LAMA5: variants seen among roughly 807,000 people sequenced by gnomAD.
LAMA5 encodes the protein laminin subunit alpha 5, also known as laminin subunit alpha-5.
A neutral mutation model predicts 433.4 loss-of-function variants in LAMA5; 260 were observed. That is an observed-to-expected ratio of 0.60 (90% CI 0.54 to 0.66). LAMA5 has a LOEUF of 0.66. Ranked by LOEUF, LAMA5 falls within the 30% of genes least tolerant of loss-of-function variation. The pLI, the probability that LAMA5 is intolerant of heterozygous loss-of-function variation, is 0.00. For synonymous variants in LAMA5, 2,620 were observed against 2,226.6 expected (o/e 1.18, Z -4.97); for missense variants, 5,378 against 5,258.5 (o/e 1.02, Z -0.70).
In LAMA5 at chr20:62,346,204, C is replaced by T. The variant is rs1240568062; in HGVS notation, c.1294G>A (p.Glu432Lys). The T allele has an allele frequency of 1.1e-5, 18 of 1,611,542 alleles. No individual in the cohort carries two copies. Among genetic ancestry groups the T allele is most frequent in the Middle Eastern group, 1.6e-4 (1 of 6,082 alleles). Residue 432 changes from glutamate to lysine, a missense_variant, in exon 10 of 80, where the codon GAG becomes AAG. Coordinates refer to ENST00000252999, the MANE Select transcript of LAMA5 (RefSeq NM_005560.6). ...SPHVCRRCNC[E>K]SDFTDGTCED... ...CAGGTGCCATCCGTGAAGTCGGACTCGCAGTTGCAGCCTGGGCAGGGGCAG... is the reference window on the plus strand; with the variant it reads ...CAGGTGCCATCCGTGAAGTCGGACTTGCAGTTGCAGCCTGGGCAGGGGCAG...
At chr20:62,313,900 TGAG>T (rs1205646091) in intron 62 of LAMA5, 98 bp from the exon 63 acceptor site, 18 of 843,920 alleles carry the variant, frequency 2.1e-5, no homozygotes, top group Admixed American at 3.7e-5. Context: ...CACGGAGAGA[TGAG>T]GGGTGGCGAG....
At position 62,334,559 on chromosome 20, in the gene LAMA5, G is replaced by A. The variant is rs757320347; in HGVS notation, c.2545C>T (p.Arg849Trp). Residue 849 changes from arginine to tryptophan, a missense_variant, in exon 21 of 80, where the codon CGG becomes TGG. Arg to Trp is a moderately radical substitution (Grantham distance 101). Coordinates refer to ENST00000252999, the MANE Select transcript of LAMA5 (RefSeq NM_005560.6). ...GGGCCCTGGGTGTTGGGGCGGCACC[G>A]GCAGACGCCCGTCCTCGGTTCACAG... Reference protein sequence around the residue: ...QSCEPRTGVCRCRPNTQGPTC... With the variant: ...QSCEPRTGVCWCRPNTQGPTC... The A allele has an allele frequency of 2.1e-4, 332 of 1,548,492 alleles. No individual in the cohort carries two copies. Among genetic ancestry groups the A allele is most frequent in the Non-Finnish European group, 2.7e-4 (307 of 1,146,760 alleles).
In LAMA5 at chr20:62,309,971, C is replaced by A; in HGVS notation, c.10828+17G>T. On this transcript the variant is annotated intron_variant, in intron 78 of 79. Transcript: ENST00000252999. ...GGTGGGGGTGGCAGAGTGCCCTGGC[C>A]ACAGGAGGGGCCTCACCCGCTAGCC... 1 of 1,608,988 alleles carries A rather than the reference C, an allele frequency of 6.2e-7. No homozygotes were observed.
Position 62,324,985 on chromosome 20 carries a change from A to C in LAMA5, c.5529+331T>G. 1 of 412,880 alleles carries C rather than the reference A, an allele frequency of 2.4e-6. No individual in the cohort carries two copies. Among genetic ancestry groups the C allele is most frequent in the South Asian group, 3.3e-5 (1 of 30,356 alleles). 25.6% of individuals were successfully genotyped at this position (412,880 alleles called of 1,614,324 possible). On this transcript the variant is annotated intron_variant, in intron 41 of 79. Coordinates refer to ENST00000252999, the MANE Select transcript of LAMA5 (RefSeq NM_005560.6). This position sits in a 1 kb window ranked among gnomAD's most constrained non-coding sequence, Gnocchi z 4.4. ...CACACAGTGGGCGAGGGATGGGCAG[A>C]ATGACAGGCAGACGCCAGGATGGTC...
intron 67 of LAMA5, 23 bp downstream of exon 67, chr20:62,312,609 C>A: frequency 6.2e-7 from 1 of 1,601,692 alleles, no homozygotes; most frequent in Non-Finnish European, 8.5e-7. Flanking sequence ...GGCCTCGGAG[C>A]CCCAGCTGCG....
At chr20:62,358,374 G>A (rs559919332) in intron 2 of LAMA5, among the ~76,000 whole-genome samples, 10 of 152,300 alleles carry the variant, frequency 6.6e-5, no homozygotes, top group Admixed American at 3.9e-4. Context: ...GGTTCAGCCC[G>A]TGCACCTGTC....
At position 62,312,003 on chromosome 20, in the gene LAMA5, C is replaced by T. The variant is rs1407090405; in HGVS notation, c.9552G>A (p.Gln3184=). Residue 3184 remains glutamine, a synonymous_variant, in exon 70 of 80, where the codon CAG becomes CAA. Transcript: ENST00000252999. Reference sequence around the variant, plus strand: ...GAGTTTTCACTTCAGTCCTCAGGAGCTGTAGGCTCACACGGCCCTGCTGCA... The same window carrying T: ...GAGTTTTCACTTCAGTCCTCAGGAGTTGTAGGCTCACACGGCCCTGCTGCA... The part of the protein sequence containing the change: ...VSLQQGRVSL[Q]LLRTEVKTQA... 3 of 1,612,704 alleles carry T rather than the reference C, an allele frequency of 1.9e-6. No homozygotes were observed. The highest frequency in any genetic ancestry group is 1.7e-6 in the Non-Finnish European group (2 of 1,179,910).
rs201505537 is a variant in LAMA5, at chr20:62,315,907, T to G, written c.7867+41A>C. Reference sequence around the variant, plus strand: ...CCAGCGCCACTGTCACAGAGCCTCATGGTCGGCCGGCTGCGAGAGCCGGGC... The same window carrying G: ...CCAGCGCCACTGTCACAGAGCCTCAGGGTCGGCCGGCTGCGAGAGCCGGGC... On this transcript the variant is annotated intron_variant, in intron 58 of 79. Transcript: ENST00000252999. The G allele has an allele frequency of 3.9e-4, 569 of 1,452,906 alleles. 4 individuals are homozygous for G. In the African/African-American group the frequency reaches 6.6e-3, roughly 17 times the overall value. 90.0% of individuals were successfully genotyped at this position (1,452,906 alleles called of 1,614,324 possible). A position where few individuals can be genotyped will look rare whatever the true frequency, so the allele number is the denominator to read the frequency against.
rs566658378 is a variant in LAMA5 at position 62,335,130 on chromosome 20, G to A, written c.2377-4C>T. 6.2e-7 allele frequency: 1 copy of A among 1,612,852 alleles called. No homozygotes were observed. Among genetic ancestry groups the A allele is most frequent in the Admixed American group, 1.7e-5 (1 of 59,966 alleles). On this transcript the variant is annotated splice_polypyrimidine_tract_variant and splice_region_variant and intron_variant, in intron 19 of 79. Coordinates refer to ENST00000252999, the MANE Select transcript of LAMA5 (RefSeq NM_005560.6). ...TGCAGAAGCACTGGCCGGTGCCCTG[G>A]GGGCCAAGGGAGGAGGTGAAGTGGG... is the stretch of plus-strand genomic sequence containing the variant.
chr20:62,354,524 G>A (rs1984873775), intron 2 of LAMA5, among the ~76,000 whole-genome samples: 1 of 151,952 alleles, frequency 6.6e-6, no homozygotes, highest in Non-Finnish European at 1.5e-5. Context: ...ACACCGTGGG[G>A]GTGGCTCCTC....
Position 62,343,839 on chromosome 20 carries a change from G to A in LAMA5, c.1477+1979C>T, listed in dbSNP as rs1601387933. Among the ~76,000 whole-genome samples the A allele has an allele frequency of 3.3e-5, 5 of 149,796 alleles. No homozygotes were observed. The South Asian group carries it at 8.4e-4, about 25-fold the overall frequency. ...TTCAAGCTTACAGAGTAGTCAAAGTGCAGCTAAAAATGACACAATATCGTG... is the reference window on the plus strand; with the variant it reads ...TTCAAGCTTACAGAGTAGTCAAAGTACAGCTAAAAATGACACAATATCGTG... On this transcript the variant is annotated intron_variant, in intron 11 of 79. Transcript: ENST00000252999.
chr20:62,345,643 C>A, intron 11 of LAMA5, 175 bp downstream of exon 11: 1 of 648,492 alleles, frequency 1.5e-6, no homozygotes. Flanking sequence ...TGGCTTTATG[C>A]TGACCTATAT....
At position 62,310,895 on chromosome 20, in the gene LAMA5, C is replaced by T. The variant is rs528889435; in HGVS notation, c.10281+7G>A. ...TGCCCACCACCTTCCTTCTTCTCGG[C>T]CCTCACCTTGTGCCAGCGGCCAGGC... On this transcript the variant is annotated splice_region_variant and intron_variant, in intron 74 of 79. Transcript: ENST00000252999. 8.1e-6 allele frequency: 13 copies of T among 1,609,418 alleles called. No homozygotes were observed. In the East Asian group the frequency reaches 2.0e-4, roughly 25 times the overall value.
intron 48 of LAMA5, 75 bp from the exon 49 acceptor site, chr20:62,320,965 G>A: frequency 6.7e-7 from 1 of 1,497,502 alleles, no homozygotes; most frequent in Admixed American, 2.1e-5. Context: ...GGGCCCTGGG[G>A]TCATTAGGGT....
Position 62,315,989 on chromosome 20 carries a change from G to A in LAMA5, c.7826C>T (p.Ala2609Val), listed in dbSNP as rs144854790. The A allele has an allele frequency of 9.6e-5, 154 of 1,608,416 alleles. No homozygotes were observed. Among genetic ancestry groups the A allele is most frequent in the Middle Eastern group, 5.1e-4 (3 of 5,908 alleles). ...CATGGCCTGCGCCGCCTGGATGTGCGCCTCCAGCTGGTCCTTCTTGGCCCG... is the reference window on the plus strand; with the variant it reads ...CATGGCCTGCGCCGCCTGGATGTGCACCTCCAGCTGGTCCTTCTTGGCCCG... Reference protein sequence around the residue: ...DVRAKKDQLEAHIQAAQAMLA... With the variant: ...DVRAKKDQLEVHIQAAQAMLA... Residue 2609 changes from alanine to valine, a missense_variant, in exon 58 of 80, where the codon GCG becomes GTG. Transcript: ENST00000252999.
At chr20:62,355,638 GTCTACCTCCCTGTGGGT>G (rs1985087340) in intron 2 of LAMA5, among the ~76,000 whole-genome samples, 1 of 152,066 alleles carries the variant, frequency 6.6e-6, no homozygotes, top group African/African-American at 2.4e-5. Flanking sequence ...TGAGGTCATC[GTCTACCTCCCTGTGGGT>G]GGGGGGCAGG....
At position 62,324,723 on chromosome 20, in the gene LAMA5, C is replaced by T. The variant is rs117986335; in HGVS notation, c.5530-169G>A. 0.022 allele frequency: 13,358 copies of T among 596,644 alleles called. 208 individuals are homozygous for T. The highest frequency in any genetic ancestry group is 0.029 in the Non-Finnish European group (9,400 of 329,710). 37.0% of individuals were successfully genotyped at this position (596,644 alleles called of 1,614,324 possible). A position where few individuals can be genotyped will look rare whatever the true frequency, so the allele number is the denominator to read the frequency against. On this transcript the variant is annotated intron_variant, in intron 41 of 79. Coordinates refer to ENST00000252999, the MANE Select transcript of LAMA5 (RefSeq NM_005560.6). The surrounding 1 kb of genome is among the most constrained non-coding windows in gnomAD (Gnocchi z 4.4). ...CTGGTCAGGAACTCCTGGCCTCGGC[C>T]GGCTGGAGGTGGGCCAGCACCTGGC...
chr20:62,334,403 GC>G, intron 21 of LAMA5, 61 bp from the exon 22 acceptor site: 1 of 1,527,180 alleles, frequency 6.5e-7, no homozygotes, highest in Non-Finnish European at 8.8e-7. Flanking sequence ...CTGCACAGCG[GC>G]CCCGGGTCTC....
rs1437645929 is a variant in LAMA5, at chr20:62,333,249, G to C, written c.3129-6C>G. 2.0e-5 allele frequency: 31 copies of C among 1,551,338 alleles called. No individual in the cohort carries two copies. Among genetic ancestry groups the C allele is most frequent in the Non-Finnish European group, 2.6e-5 (30 of 1,145,990 alleles). On this transcript the variant is annotated splice_region_variant and splice_polypyrimidine_tract_variant and intron_variant, in intron 25 of 79. Transcript: ENST00000252999. Reference sequence around the variant, plus strand: ...GGTGTGTGTAGAGGAGGCAGCTGGGGGGACACAGGCCGTGGTCAGCCCCAG... The same window carrying C: ...GGTGTGTGTAGAGGAGGCAGCTGGGCGGACACAGGCCGTGGTCAGCCCCAG...
Sources: gnomAD v4.1 joint callset for allele counts (sites outside exome capture counted in the v4.1 genomes callset) on GRCh38, gnomAD v4.1.1 for gene constraint, Gnocchi (gnomAD v3.1) non-coding constraint, MANE v1.5 for transcripts, NCBI Gene and HGNC (gene_info 2026-07-23, HGNC 2026-07-21) for gene names.